Variants in GRID2 observed in about 807,000 individuals in gnomAD.
GRID2 encodes glutamate ionotropic receptor delta type subunit 2, also known as glutamate receptor ionotropic, delta-2.
In GRID2, 33 loss-of-function variants were observed where a neutral mutation model predicts 114.8. That is an observed-to-expected ratio of 0.29 (90% CI 0.22 to 0.38). The LOEUF (loss-of-function observed/expected upper bound fraction) is 0.38. Ranked by LOEUF, GRID2 falls within the 10% of genes least tolerant of loss-of-function variation. GRID2 has a pLI of 1.00. For missense variants in GRID2, 1,184 were observed against 1,257.7 expected, an observed-to-expected ratio of 0.94 and a Z score of 0.89; for synonymous variants, 505 against 449.9, an observed-to-expected ratio of 1.12 and a Z score of -1.55.
intron 1 of GRID2, among the ~76,000 whole-genome samples, chr4:92,334,028 G>A (rs2110149232): frequency 6.6e-6 from 1 of 152,202 alleles, no homozygotes; most frequent in African/African-American, 2.4e-5. Flanking sequence ...ACCTAGACTG[G>A]CTCCCACCAG....
chr4:92,858,084 A>C (rs1297387113), intron 2 of GRID2, among the ~76,000 whole-genome samples: 1 of 152,194 alleles, frequency 6.6e-6, no homozygotes, highest in South Asian at 2.1e-4. Flanking sequence ...AATTCCTTTC[A>C]AATTATGTCT....
intron 2 of GRID2, among the ~76,000 whole-genome samples, chr4:92,597,830 C>T (rs1401837943): frequency 6.6e-6 from 1 of 152,162 alleles, no homozygotes; most frequent in Non-Finnish European, 1.5e-5. Flanking sequence ...TTTACCTACA[C>T]TCGCAGTTGT....
At chr4:92,799,662 T>C (rs1740062273) in intron 2 of GRID2, among the ~76,000 whole-genome samples, 1 of 151,956 alleles carries the variant, frequency 6.6e-6, no homozygotes, top group Non-Finnish European at 1.5e-5. Context: ...ACAGCTGTCA[T>C]CCATTTAAAC....
chr4:92,451,092 T>A (rs914545185), intron 1 of GRID2, among the ~76,000 whole-genome samples: 3 of 152,076 alleles, frequency 2.0e-5, no homozygotes, highest in African/African-American at 7.2e-5. Flanking sequence ...TCACTTAGGT[T>A]CTGCCCCAGG....
chr4:93,247,164 G>T (rs1319695944), intron 8 of GRID2, among the ~76,000 whole-genome samples: 2 of 152,150 alleles, frequency 1.3e-5, no homozygotes, highest in Non-Finnish European at 2.9e-5. Context: ...CTGTGTCCAA[G>T]TCTTGGTGAA....
chr4:93,583,218 G>T (rs1737162945), intron 13 of GRID2, among the ~76,000 whole-genome samples: 1 of 152,076 alleles, frequency 6.6e-6, no homozygotes, highest in Admixed American at 6.6e-5. Flanking sequence ...TCCAAACAAG[G>T]TCACATTCTG....
At chr4:93,218,015 GC>G (rs1163986183) in intron 6 of GRID2, among the ~76,000 whole-genome samples, 4 of 151,742 alleles carry the variant, frequency 2.6e-5, no homozygotes, top group African/African-American at 9.7e-5. Flanking sequence ...TAAATAAGGT[GC>G]TTTTGCAAAA....
chr4:92,906,756 C>G (rs1747990883), intron 2 of GRID2, among the ~76,000 whole-genome samples: 1 of 152,022 alleles, frequency 6.6e-6, no homozygotes, highest in African/African-American at 2.4e-5. Flanking sequence ...GTAGCTGGGA[C>G]TACAGGCACC....
chr4:93,496,864 T>TTTTG, intron 12 of GRID2, among the ~76,000 whole-genome samples: 1 of 151,868 alleles, frequency 6.6e-6, no homozygotes, highest in Non-Finnish European at 1.5e-5. Flanking sequence ...TCTGTGGATT[T>TTTTG]TTTGTTTGTT....
intron 14 of GRID2, among the ~76,000 whole-genome samples, chr4:93,636,349 A>G (rs1236436380): frequency 1.3e-5 from 2 of 152,122 alleles, no homozygotes; most frequent in Admixed American, 6.6e-5. Flanking sequence ...GATATAATCT[A>G]GGTGTTACTA....
At chr4:92,691,766 T>C (rs1487994508) in intron 2 of GRID2, among the ~76,000 whole-genome samples, 3 of 152,192 alleles carry the variant, frequency 2.0e-5, no homozygotes, top group Non-Finnish European at 4.4e-5. Flanking sequence ...GTTCCCATCA[T>C]CACACATACC....
chr4:93,007,295 G>A (rs1721640240), intron 2 of GRID2, among the ~76,000 whole-genome samples: 1 of 151,856 alleles, frequency 6.6e-6, no homozygotes, highest in Admixed American at 6.6e-5. Flanking sequence ...TCACATTTTG[G>A]TAATTCTTAA....
At chr4:93,398,962 C>T (rs914669216) in intron 9 of GRID2, among the ~76,000 whole-genome samples, 2 of 151,884 alleles carry the variant, frequency 1.3e-5, no homozygotes, top group East Asian at 3.9e-4. Flanking sequence ...TCAGGTCTAG[C>T]TCTTAGTTAT....
chr4:92,689,487 G>A (rs1425177313), intron 2 of GRID2, among the ~76,000 whole-genome samples: 1 of 152,226 alleles, frequency 6.6e-6, no homozygotes, highest in Non-Finnish European at 1.5e-5. Context: ...TGACTTGCGA[G>A]CAAGCATTAC....
intron 2 of GRID2, among the ~76,000 whole-genome samples, chr4:92,864,904 G>T (rs17019954): frequency 6.6e-6 from 1 of 151,966 alleles, no homozygotes; most frequent in African/African-American, 2.4e-5. Flanking sequence ...TAACTAACCC[G>T]TCTACCTCCC....
chr4:93,382,677 C>T (rs1275583754), intron 8 of GRID2, among the ~76,000 whole-genome samples: 1 of 151,662 alleles, frequency 6.6e-6, no homozygotes, highest in East Asian at 1.9e-4. Flanking sequence ...ATCTTTATTA[C>T]AGTTGTTTTA....
intron 4 of GRID2, among the ~76,000 whole-genome samples, chr4:93,151,538 G>A (rs1372277986): frequency 6.6e-6 from 1 of 151,654 alleles, no homozygotes; most frequent in Non-Finnish European, 1.5e-5. Context: ...TTCTTAATAA[G>A]GGTAACAAAA....
intron 2 of GRID2, among the ~76,000 whole-genome samples, chr4:92,794,353 C>G (rs955956025): frequency 2.6e-5 from 4 of 151,774 alleles, no homozygotes; most frequent in African/African-American, 9.7e-5. Flanking sequence ...CACCCTATCA[C>G]CCTGCCATAT....
chr4:93,440,806 C>A (rs1170406337), intron 10 of GRID2, among the ~76,000 whole-genome samples: 1 of 152,026 alleles, frequency 6.6e-6, no homozygotes, highest in Non-Finnish European at 1.5e-5. Flanking sequence ...ATTTAATTGG[C>A]AGACATTGCA....
Sources: gnomAD v4.1 joint callset for allele counts (sites outside exome capture counted in the v4.1 genomes callset) on GRCh38, gnomAD v4.1.1 for gene constraint, MANE v1.5 for transcripts, NCBI Gene and HGNC (gene_info 2026-07-23, HGNC 2026-07-21) for gene names.